Variants in LRMDA observed in about 807,000 individuals in gnomAD.
LRMDA encodes the protein leucine rich melanocyte differentiation associated.
In LRMDA, 18 loss-of-function variants were observed where a neutral mutation model predicts 29.8. The observed-to-expected ratio is 0.60, with a 90% CI of 0.42 to 0.90. The LOEUF is 0.90. Ranked by LOEUF, LRMDA falls within the 40% of genes least tolerant of loss-of-function variation. The probability of loss-of-function intolerance (pLI) is 0.00; values close to 1 mark genes in which losing one functional copy is unlikely to be tolerated. For synonymous variants in LRMDA, 125 were observed against 109.4 expected (o/e 1.14, Z -0.89); for missense variants, 273 against 273.9 (o/e 1.00, Z 0.02).
chr10:75,820,991 G>C (rs1475669300), intron 2 of LRMDA, among the ~76,000 whole-genome samples: 1 of 152,070 alleles, frequency 6.6e-6, no homozygotes, highest in Non-Finnish European at 1.5e-5. Context: ...GACCAATAAT[G>C]AGTAGTGAAA....
At chr10:75,775,594 C>T (rs1564564968) in intron 2 of LRMDA, among the ~76,000 whole-genome samples, 1 of 152,122 alleles carries the variant, frequency 6.6e-6, no homozygotes, top group Non-Finnish European at 1.5e-5. Flanking sequence ...GTCCAGTGGT[C>T]CCCCGAACAT....
At position 76,521,619 on chromosome 10, in the gene LRMDA, G is replaced by A. The variant is rs1010861578; in HGVS notation, c.602-35590G>A. The stretch of plus-strand genomic sequence containing the variant: ...TAAACATCAAGAATTGGAATTTAGG[G>A]GAGAGAAGCGAAAAGCATTTTCAGG... On this transcript the variant is annotated intron_variant, in intron 6 of 6. Coordinates refer to ENST00000611255, the MANE Select transcript of LRMDA (RefSeq NM_001305581.2). Among the ~76,000 whole-genome samples, 18 of 152,300 alleles carry A rather than the reference G, an allele frequency of 1.2e-4. No individual in the cohort carries two copies. The South Asian group carries it at 1.2e-3, about 11-fold the overall frequency.
intron 6 of LRMDA, chr10:76,464,678 A>AT (rs1220803392): frequency 6.6e-6 from 1 of 152,180 alleles, no homozygotes; most frequent in Admixed American, 6.5e-5. Flanking sequence ...TACCTCCTTA[A>AT]TTTTGTTTTT....
At chr10:76,191,814 A>G (rs970310194) in intron 5 of LRMDA, among the ~76,000 whole-genome samples, 8 of 152,174 alleles carry the variant, frequency 5.3e-5, no homozygotes, top group Admixed American at 2.6e-4. Context: ...GATGTATCCA[A>G]CTTACTTCCA....
intron 5 of LRMDA, among the ~76,000 whole-genome samples, chr10:76,280,429 A>G (rs1027957723): frequency 6.6e-6 from 1 of 152,188 alleles, no homozygotes; most frequent in African/African-American, 2.4e-5. Context: ...CACCCTTCAG[A>G]TTCTAAAACA....
intron 2 of LRMDA, among the ~76,000 whole-genome samples, chr10:75,453,371 T>G (rs1443603495): frequency 6.6e-6 from 1 of 152,234 alleles, no homozygotes; most frequent in East Asian, 1.9e-4. Flanking sequence ...CATAGGTTGA[T>G]GGCACAGGAA....
chr10:75,882,090 T>C (rs1041001522), intron 2 of LRMDA, among the ~76,000 whole-genome samples: 1 of 152,038 alleles, frequency 6.6e-6, no homozygotes, highest in Non-Finnish European at 1.5e-5. Flanking sequence ...GCACAGCAAG[T>C]GCAAAGCCTC....
At chr10:76,524,729 C>T (rs1182563012) in intron 6 of LRMDA, among the ~76,000 whole-genome samples, 1 of 152,100 alleles carries the variant, frequency 6.6e-6, no homozygotes, top group African/African-American at 2.4e-5. Flanking sequence ...GTACCTCTGC[C>T]GTGAGTCTGG....
chr10:76,340,515 C>CAAAAAAA (rs1174024731), intron 6 of LRMDA, among the ~76,000 whole-genome samples: 20 of 75,720 alleles, frequency 2.6e-4, no homozygotes, highest in Admixed American at 4.0e-4. Context: ...GAACCTGTAT[C>CAAAAAAA]AAAAAAAAAA....
At position 76,496,007 on chromosome 10, in the gene LRMDA, CTTTTTAACATA is replaced by C. The variant is rs1300079112; in HGVS notation, c.602-61199_602-61189del. 2.7e-5 allele frequency among the ~76,000 whole-genome samples: 2 copies of C among 73,206 alleles called. 1 individual carries two copies. The highest frequency in any genetic ancestry group is 9.0e-5 in the Non-Finnish European group (2 of 22,226). The allele number at this position is 73,206 out of a possible 152,430, so 48.0% of individuals were successfully genotyped here. A position where few individuals can be genotyped will look rare whatever the true frequency, so the allele number is the denominator to read the frequency against. On this transcript the variant is annotated intron_variant, in intron 6 of 6. Coordinates refer to ENST00000611255, the MANE Select transcript of LRMDA (RefSeq NM_001305581.2). ...ACCTGCCTTTTATTTTACTTATTTA[CTTTTTAACATA>C]TTGCCTTTCAAGACTTGTTAGTTGG...
intron 2 of LRMDA, among the ~76,000 whole-genome samples, chr10:75,760,654 A>G (rs1554824372): frequency 6.6e-6 from 1 of 152,168 alleles, no homozygotes; most frequent in Non-Finnish European, 1.5e-5. Context: ...GTTTAAAGGA[A>G]TCTCTTCTGA....
intron 6 of LRMDA, among the ~76,000 whole-genome samples, chr10:76,426,815 A>C (rs540221983): frequency 4.1e-4 from 63 of 152,324 alleles, no homozygotes; most frequent in Non-Finnish European, 7.6e-4. Context: ...TCAGCTTTCT[A>C]CATATGGCTA....
At chr10:76,199,164 GTT>G (rs776182273) in intron 5 of LRMDA, among the ~76,000 whole-genome samples, 8 of 152,128 alleles carry the variant, frequency 5.3e-5, no homozygotes, top group Non-Finnish European at 1.0e-4. Flanking sequence ...ATTAAATTTT[GTT>G]TTGGAACTTC....
At chr10:76,189,869 T>C (rs986696005) in intron 5 of LRMDA, among the ~76,000 whole-genome samples, 2 of 152,178 alleles carry the variant, frequency 1.3e-5, no homozygotes, top group African/African-American at 2.4e-5. Context: ...GGCTCACCTC[T>C]GACCCACCAC....
chr10:75,925,865 C>T (rs1014454426), intron 2 of LRMDA, among the ~76,000 whole-genome samples: 5 of 152,020 alleles, frequency 3.3e-5, no homozygotes, highest in African/African-American at 1.2e-4. Flanking sequence ...GTTGGCCAGG[C>T]TGGTCTCGAA....
chr10:75,928,329 G>T (rs1389100687), intron 2 of LRMDA, among the ~76,000 whole-genome samples: 1 of 151,818 alleles, frequency 6.6e-6, no homozygotes, highest in East Asian at 1.9e-4. Context: ...CAGTTATCTG[G>T]AAATCTATTG....
At chr10:75,926,740 G>A (rs1846126906) in intron 2 of LRMDA, among the ~76,000 whole-genome samples, 2 of 152,134 alleles carry the variant, frequency 1.3e-5, no homozygotes, top group Admixed American at 1.3e-4. Context: ...TGTTATTTTG[G>A]TTTCCTGGGC....
chr10:76,412,740 A>G (rs1305370372), intron 6 of LRMDA, among the ~76,000 whole-genome samples: 1 of 152,164 alleles, frequency 6.6e-6, no homozygotes, highest in African/African-American at 2.4e-5. Context: ...TGATGCCCCT[A>G]TGCCCACAAA....
At chr10:76,460,530 G>A (rs371913993) in intron 6 of LRMDA, among the ~76,000 whole-genome samples, 28 of 152,276 alleles carry the variant, frequency 1.8e-4, no homozygotes, top group South Asian at 8.3e-4. Context: ...ATCACATATC[G>A]TGAATGCCTC....
Sources: allele counts gnomAD v4.1 joint callset (sites outside exome capture counted in the v4.1 genomes callset), GRCh38; gene constraint gnomAD v4.1.1; transcripts MANE v1.5; gene names NCBI Gene and HGNC (gene_info 2026-07-23, HGNC 2026-07-21).